Variants in SLC9A7 observed in about 807,000 individuals in gnomAD.
SLC9A7 encodes sodium/hydrogen exchanger 7.
SLC9A7 carries 19 observed loss-of-function variants against 52.6 expected under a neutral mutation model. The observed-to-expected ratio is 0.36, with a 90% CI of 0.25 to 0.53. SLC9A7 has a LOEUF of 0.53. Among genes scored for constraint, SLC9A7 ranks in the 20% least tolerant of loss-of-function variants. The pLI is 0.91. For missense variants in SLC9A7, 455 were observed against 597.9 expected (o/e 0.76, Z 2.49); for synonymous variants, 226 against 252.1 (o/e 0.90, Z 0.98).
Position 46,612,156 on chromosome X carries a change from A to G in SLC9A7, c.1929+1133T>C, listed in dbSNP as rs377410628. ...GCACTTTCCTTCTCTGTAATGCTGC[A>G]GTACTCACTGATTCATGGTATGACC... is the stretch of plus-strand genomic sequence containing the variant. On this transcript the variant is annotated intron_variant, in intron 16 of 16. Transcript: ENST00000616978. Among the ~76,000 whole-genome samples, 4 of 112,596 alleles carry G rather than the reference A, an allele frequency of 3.6e-5. No homozygotes were observed. In the South Asian group the frequency reaches 1.5e-3, roughly 41 times the overall value.
Position 46,759,117 on chromosome X carries a change from G to C in SLC9A7, c.-88C>G. Reference sequence around the variant, plus strand: ...CTGGCAGCACCGCGGACCTGCCGGAGTGGCCGTGGCCGCTGCAGCTCCTCC... The same window carrying C: ...CTGGCAGCACCGCGGACCTGCCGGACTGGCCGTGGCCGCTGCAGCTCCTCC... On this transcript the variant is annotated 5_prime_UTR_variant, in exon 1 of 17. Coordinates refer to ENST00000616978, the MANE Select transcript of SLC9A7 (RefSeq NM_001257291.2). 1 of 589,084 alleles carries C rather than the reference G, an allele frequency of 1.7e-6. No individual in the cohort carries two copies. Among genetic ancestry groups the C allele is most frequent in the Non-Finnish European group, 2.2e-6 (1 of 456,913 alleles). The allele number at this position is 589,084 out of a possible 1,213,427, so 48.5% of individuals were successfully genotyped here.
intron 5 of SLC9A7, among the ~76,000 whole-genome samples, chrX:46,665,018 C>T (rs1382992597): frequency 1.8e-5 from 2 of 111,392 alleles, no homozygotes; most frequent in African/African-American, 6.5e-5. Flanking sequence ...GGTCAGGAAC[C>T]GTTCTGTGCC....
chrX:46,725,450 C>T (rs1944928210), intron 1 of SLC9A7: 9 of 1,097,062 alleles, frequency 8.2e-6, no homozygotes, highest in African/African-American at 3.6e-5. Context: ...GGTCGATTTT[C>T]ACTTGCTTGT....
At chrX:46,612,649 C>T (rs1326508158) in intron 16 of SLC9A7, among the ~76,000 whole-genome samples, 3 of 110,867 alleles carry the variant, frequency 2.7e-5, no homozygotes, top group African/African-American at 9.8e-5. Flanking sequence ...AGATGCAGGC[C>T]GGGCATGGTG....
At chrX:46,620,842 G>A (rs190027096) in intron 15 of SLC9A7, 135 bp downstream of exon 15, 5 of 455,641 alleles carry the variant, frequency 1.1e-5, no homozygotes, top group East Asian at 7.7e-5. Context: ...CAATGCACAC[G>A]TTCCATAAGA....
intron 1 of SLC9A7, among the ~76,000 whole-genome samples, chrX:46,696,674 T>C (rs777175093): frequency 1.1e-4 from 12 of 111,689 alleles, no homozygotes; most frequent in Non-Finnish European, 2.1e-4. Flanking sequence ...CATATGGTAG[T>C]GAAACATATA....
chrX:46,705,114 G>C (rs1318277323), intron 1 of SLC9A7, among the ~76,000 whole-genome samples: 1 of 111,645 alleles, frequency 9.0e-6, no homozygotes, highest in East Asian at 2.8e-4. Flanking sequence ...AGGTAGGAAA[G>C]TGCACATTAG....
Position 46,713,383 on chromosome X carries a change from C to A in SLC9A7, c.326-30848G>T, listed in dbSNP as rs780533287. Among the ~76,000 whole-genome samples, 38 of 109,510 alleles carry A rather than the reference C, an allele frequency of 3.5e-4. 1 individual carries two copies. On this transcript the variant is annotated intron_variant, in intron 1 of 16. Transcript: ENST00000616978. Reference sequence around the variant, plus strand: ...GGGCATGGTGGCGGGCGCCTGTAATCCCAGCTACTTGGGAGGCTGAGCCAG... The same window carrying A: ...GGGCATGGTGGCGGGCGCCTGTAATACCAGCTACTTGGGAGGCTGAGCCAG...
At position 46,757,268 on chromosome X, in the gene SLC9A7, C is replaced by T. The variant is rs1922740023; in HGVS notation, c.325+1437G>A. On this transcript the variant is annotated intron_variant, in intron 1 of 16. Transcript: ENST00000616978. ...TCACCAACTGACACAAACCACAGAG[C>T]TCAACAACGGTCAGGGATGGAGGCC... is the stretch of plus-strand genomic sequence containing the variant. 2.7e-5 allele frequency among the ~76,000 whole-genome samples: 3 copies of T among 112,037 alleles called. No homozygotes were observed. In the Admixed American group the frequency reaches 2.8e-4, roughly 11 times the overall value.
chrX:46,633,313 G>A (rs1337832773), intron 13 of SLC9A7, among the ~76,000 whole-genome samples: 1 of 64,531 alleles, frequency 1.5e-5, no homozygotes, highest in Admixed American at 2.6e-4. Context: ...GAAACAAAGA[G>A]CTGCTTCTCA....
intron 1 of SLC9A7, among the ~76,000 whole-genome samples, chrX:46,742,429 A>T (rs1921421084): frequency 8.9e-6 from 1 of 111,839 alleles, no homozygotes; most frequent in Non-Finnish European, 1.9e-5. Context: ...ACAGAGAAAA[A>T]AAAAAAGACC....
rs750907246 is a variant in SLC9A7, at chrX:46,601,916, C to T, written c.*5036G>A. The T allele has an allele frequency of 8.9e-6, 1 of 111,958 alleles. No homozygotes were observed. Among genetic ancestry groups the T allele is most frequent in the African/African-American group, 3.2e-5 (1 of 30,802 alleles). The allele number at this position is 111,958 out of a possible 1,213,427, so 9.2% of individuals were successfully genotyped here. On this transcript the variant is annotated 3_prime_UTR_variant, in exon 17 of 17. Coordinates refer to ENST00000616978, the MANE Select transcript of SLC9A7 (RefSeq NM_001257291.2). ...ACCATGTGATAGCAAAGGACCACAA[C>T]CTTCTACTTTGCTCCAGCAGTAAAT...
At chrX:46,740,582 T>C (rs993865243) in intron 1 of SLC9A7, among the ~76,000 whole-genome samples, 32 of 111,655 alleles carry the variant, frequency 2.9e-4, no homozygotes, top group African/African-American at 9.8e-4. Flanking sequence ...TATATTGTAA[T>C]ATATACATTG....
chrX:46,703,275 C>T (rs775496754), intron 1 of SLC9A7, among the ~76,000 whole-genome samples: 23 of 111,695 alleles, frequency 2.1e-4, no homozygotes, highest in Non-Finnish European at 4.1e-4. Context: ...GTCCCACTTG[C>T]CTACTTTTGG....
chrX:46,658,900 G>A (rs1943757276), intron 7 of SLC9A7, among the ~76,000 whole-genome samples: 1 of 110,658 alleles, frequency 9.0e-6, no homozygotes, highest in Admixed American at 9.6e-5. Flanking sequence ...TGATACCAAA[G>A]CTGGGCAGAG....
At chrX:46,654,068 T>C (rs1302008391) in intron 7 of SLC9A7, among the ~76,000 whole-genome samples, 2 of 111,279 alleles carry the variant, frequency 1.8e-5, no homozygotes, top group African/African-American at 3.3e-5. Context: ...ACAAATCTCG[T>C]TGGCTATATT....
chrX:46,730,673 T>A (rs1305438623), intron 1 of SLC9A7, among the ~76,000 whole-genome samples: 4 of 16,271 alleles, frequency 2.5e-4, no homozygotes, highest in African/African-American at 1.7e-3. Flanking sequence ...AAAAAAATTA[T>A]ATATATATAT....
intron 12 of SLC9A7, among the ~76,000 whole-genome samples, chrX:46,640,144 G>A (rs1943384458): frequency 8.9e-6 from 1 of 111,930 alleles, no homozygotes; most frequent in South Asian, 3.7e-4. Flanking sequence ...AATAAAGTGG[G>A]AGGAATCACT....
At chrX:46,684,269 A>G (rs950949135) in intron 1 of SLC9A7, among the ~76,000 whole-genome samples, 6 of 111,761 alleles carry the variant, frequency 5.4e-5, no homozygotes, top group Non-Finnish European at 1.1e-4. Context: ...CAGTGGTGCA[A>G]TCTCGGCTTG....
Sources: gnomAD v4.1 joint callset for allele counts (sites outside exome capture counted in the v4.1 genomes callset) on GRCh38, gnomAD v4.1.1 for gene constraint, MANE v1.5 for transcripts, NCBI Gene and HGNC (gene_info 2026-07-23, HGNC 2026-07-21) for gene names.